The following UNC13C variants were observed in gnomAD, a reference collection of about 807,000 sequenced individuals.
UNC13C encodes the protein unc-13 homolog C.
Under a neutral mutation model 245.4 loss-of-function variants are expected in UNC13C, and 174 were observed. The ratio of observed to expected loss-of-function variants is 0.71; its 90% CI spans 0.63 to 0.80. The LOEUF is 0.80. Ranked by LOEUF, UNC13C falls within the 30% of genes least tolerant of loss-of-function variation. The pLI is 0.00. For synonymous variants in UNC13C, 992 were observed against 895.1 expected (o/e 1.11, Z -1.93); for missense variants, 2,829 against 2,602.9 (o/e 1.09, Z -1.89).
intron 1 of UNC13C, among the ~76,000 whole-genome samples, chr15:54,008,076 C>A (rs989310691): frequency 3.3e-5 from 5 of 152,192 alleles, no homozygotes; most frequent in African/African-American, 1.2e-4. Context: ...TAACTTAATT[C>A]TGGTAATGAT....
intron 7 of UNC13C, among the ~76,000 whole-genome samples, chr15:54,245,379 C>A (rs1220379152): frequency 6.6e-6 from 1 of 151,938 alleles, no homozygotes; most frequent in African/African-American, 2.4e-5. Context: ...TTGGACTCAC[C>A]CCATAAGTTT....
At chr15:54,348,227 T>C (rs1450411119) in intron 17 of UNC13C, among the ~76,000 whole-genome samples, 2 of 152,124 alleles carry the variant, frequency 1.3e-5, no homozygotes, top group Non-Finnish European at 2.9e-5. Context: ...GTGTAAAAAA[T>C]TCGGTATGGT....
chr15:54,480,092 G>T (rs927665176), intron 19 of UNC13C, among the ~76,000 whole-genome samples: 1 of 151,982 alleles, frequency 6.6e-6, no homozygotes, highest in Non-Finnish European at 1.5e-5. Flanking sequence ...CTTACTGTTT[G>T]GAGAATTCTT....
intron 1 of UNC13C, among the ~76,000 whole-genome samples, chr15:54,001,946 T>A (rs189181227): frequency 1.3e-5 from 2 of 152,330 alleles, no homozygotes; most frequent in Non-Finnish European, 2.9e-5. Flanking sequence ...ACTGATGTTA[T>A]CCCACTTGAA....
At chr15:54,077,372 TTTTC>T (rs1555412028) in intron 2 of UNC13C, among the ~76,000 whole-genome samples, 6 of 44,880 alleles carry the variant, frequency 1.3e-4, no homozygotes, top group South Asian at 7.8e-4. Context: ...TTTTCTTTTC[TTTTC>T]TTTTTTTTTT....
At chr15:54,501,196 T>C (rs1894194498) in intron 22 of UNC13C, among the ~76,000 whole-genome samples, 1 of 152,164 alleles carries the variant, frequency 6.6e-6, no homozygotes, top group African/African-American at 2.4e-5. Context: ...TATTGTTCAC[T>C]TCGAGGACTC....
intron 17 of UNC13C, among the ~76,000 whole-genome samples, chr15:54,345,610 C>T (rs11633330): frequency 0.049 from 7,498 of 152,218 alleles, 277 homozygotes; most frequent in Admixed American, 0.11. Context: ...CATTAACTCA[C>T]GGATATTTGG....
intron 4 of UNC13C, among the ~76,000 whole-genome samples, chr15:54,167,520 G>GAAAAGAA (rs2033215947): frequency 7.4e-5 from 5 of 67,224 alleles, no homozygotes; most frequent in Admixed American, 3.5e-4. Flanking sequence ...AAAAAAAAAA[G>GAAAAGAA]AAAAGAAAAA....
intron 24 of UNC13C, among the ~76,000 whole-genome samples, chr15:54,523,230 T>C (rs182918450): frequency 6.6e-6 from 1 of 152,178 alleles, no homozygotes; most frequent in Admixed American, 6.5e-5. Flanking sequence ...ATTGTTTTAT[T>C]ATTAGATGAG....
chr15:54,213,455 T>C (rs1302956503), intron 4 of UNC13C, among the ~76,000 whole-genome samples: 2 of 152,022 alleles, frequency 1.3e-5, no homozygotes, highest in African/African-American at 4.8e-5. Flanking sequence ...ATAAAAGGAA[T>C]AAATGTAGTG....
chr15:54,012,823 T>G lies in UNC13C; in HGVS notation c.-81T>G. 5.3e-6 allele frequency: 6 copies of G among 1,125,230 alleles called. No homozygotes were observed. The highest frequency in any genetic ancestry group is 7.7e-6 in the Non-Finnish European group (6 of 780,324). 69.7% of individuals were successfully genotyped at this position (1,125,230 alleles called of 1,614,324 possible). A position where few individuals can be genotyped will look rare whatever the true frequency, so the allele number is the denominator to read the frequency against. On this transcript the variant is annotated 5_prime_UTR_variant, in exon 2 of 33. An upstream start codon of the reference 5' UTR is lost. Coordinates refer to ENST00000260323, the MANE Select transcript of UNC13C (RefSeq NM_001080534.3). ...GATTCACAGAACTTCTGAACAGTGA[T>G]GCTTGCCTTGGATTTTCAGGTTTTC...
chr15:54,227,492 G>GCGC (rs2035421666), intron 4 of UNC13C, among the ~76,000 whole-genome samples: 3 of 152,174 alleles, frequency 2.0e-5, no homozygotes, highest in Admixed American at 1.3e-4. Context: ...GCCACCTGCA[G>GCGC]CACCCCCTCC....
At chr15:54,283,247 A>G (rs963410327) in intron 10 of UNC13C, among the ~76,000 whole-genome samples, 1 of 152,220 alleles carries the variant, frequency 6.6e-6, no homozygotes, top group African/African-American at 2.4e-5. Flanking sequence ...TATCAATTAT[A>G]TACATACCTT....
At chr15:53,977,151 G>T (rs1020380626), upstream of UNC13C, among the ~76,000 whole-genome samples, 6 of 152,156 alleles carry the variant, frequency 3.9e-5, no homozygotes, top group Non-Finnish European at 8.8e-5. Context: ...CTTAAGCAGC[G>T]GGTAAGGGAA....
upstream of UNC13C, chr15:53,974,769 A>C (rs888721875): frequency 6.6e-6 from 1 of 151,284 alleles, no homozygotes; most frequent in Non-Finnish European, 1.5e-5. Context: ...AACAATGAAC[A>C]TTTATTATCT....
intron 22 of UNC13C, among the ~76,000 whole-genome samples, chr15:54,506,213 T>G (rs1032270881): frequency 6.6e-6 from 1 of 152,118 alleles, no homozygotes; most frequent in African/African-American, 2.4e-5. Context: ...AAAGTCAGGT[T>G]TATGGTTTGT....
the UNC13C span, among the ~76,000 whole-genome samples, chr15:53,852,839 G>A: frequency 1.3e-5 from 2 of 152,010 alleles, no homozygotes; most frequent in Non-Finnish European, 2.9e-5. Flanking sequence ...CTTCATGATT[G>A]GAAGTGGAAA....
intron 30 of UNC13C, among the ~76,000 whole-genome samples, chr15:54,580,344 A>C (rs1322870197): frequency 6.6e-6 from 1 of 152,240 alleles, no homozygotes; most frequent in Non-Finnish European, 1.5e-5. Flanking sequence ...TAAGGAATAT[A>C]AGGTATGTTA....
At chr15:54,035,760 G>C (rs1418130591) in intron 2 of UNC13C, among the ~76,000 whole-genome samples, 1 of 152,046 alleles carries the variant, frequency 6.6e-6, no homozygotes, top group Admixed American at 6.6e-5. Context: ...ATAGATGAGC[G>C]CACCCAATGC....
Sources: allele counts gnomAD v4.1 joint callset (sites outside exome capture counted in the v4.1 genomes callset), GRCh38; gene constraint gnomAD v4.1.1; transcripts MANE v1.5; gene names NCBI Gene and HGNC (gene_info 2026-07-23, HGNC 2026-07-21).